NALCN: variants seen among roughly 807,000 people sequenced by gnomAD.
The protein encoded by NALCN is sodium leak channel NALCN.
In NALCN, 111 loss-of-function variants were observed where a neutral mutation model predicts 225.3. The ratio of observed to expected loss-of-function variants is 0.49; its 90% CI spans 0.42 to 0.58. The LOEUF is 0.58. Ranked by LOEUF, NALCN falls within the 20% of genes least tolerant of loss-of-function variation. The pLI is 0.00. For synonymous variants in NALCN, 764 were observed against 769.0 expected, an observed-to-expected ratio of 0.99 and a Z score of 0.11; for missense variants, 1,378 against 2,202.4, an observed-to-expected ratio of 0.63 and a Z score of 7.49.
intron 15 of NALCN, among the ~76,000 whole-genome samples, chr13:101,173,046 C>T (rs1486096381): frequency 1.3e-5 from 2 of 152,204 alleles, no homozygotes; most frequent in African/African-American, 4.8e-5. Context: ...ATCATCACTC[C>T]AAGAAGATCA....
intron 34 of NALCN, among the ~76,000 whole-genome samples, chr13:101,080,493 TTATAATTACATAAG>T (rs1296049122): frequency 6.8e-6 from 1 of 146,386 alleles, no homozygotes; most frequent in Non-Finnish European, 1.5e-5. Flanking sequence ...ATATAAATAA[TTATAATTACATAAG>T]TATAATTACA....
intron 15 of NALCN, among the ~76,000 whole-genome samples, chr13:101,167,953 C>A (rs1354031426): frequency 6.6e-6 from 1 of 152,044 alleles, no homozygotes; most frequent in Non-Finnish European, 1.5e-5. Flanking sequence ...TGTGTCTTTG[C>A]CTCCTTGGCT....
chr13:101,155,502 A>G (rs1056159170), intron 15 of NALCN, among the ~76,000 whole-genome samples: 2 of 152,160 alleles, frequency 1.3e-5, no homozygotes, highest in African/African-American at 4.8e-5. Context: ...GAGCTTATAC[A>G]TTTTTGGGAC....
intron 13 of NALCN, among the ~76,000 whole-genome samples, chr13:101,222,066 T>C (rs1229040368): frequency 3.9e-5 from 6 of 152,098 alleles, no homozygotes; most frequent in Non-Finnish European, 7.4e-5. Context: ...TCATCTATAT[T>C]TACACAGTTC....
At chr13:101,066,218 T>G (rs935727502) in intron 39 of NALCN, among the ~76,000 whole-genome samples, 5 of 149,966 alleles carry the variant, frequency 3.3e-5, no homozygotes, top group Admixed American at 3.3e-4. Flanking sequence ...CCCAGCTATT[T>G]GGGAGGCTGA....
rs187987738 is a variant in NALCN, at chr13:101,331,368, G to T, written c.799+13898C>A. ...GGCAGGTTTGAAACAGAATTAGATA[G>T]AAATATTAGGTATAAAAATTATAGA... On this transcript the variant is annotated intron_variant, in intron 7 of 43. Coordinates refer to ENST00000251127, the MANE Select transcript of NALCN (RefSeq NM_052867.4). 2.3e-3 allele frequency among the ~76,000 whole-genome samples: 351 copies of T among 152,242 alleles called. 1 individual carries two copies. The highest frequency in any genetic ancestry group is 0.017 in the Middle Eastern group (5 of 294).
chr13:101,304,126 C>T (rs2044069580), intron 7 of NALCN, among the ~76,000 whole-genome samples: 1 of 152,072 alleles, frequency 6.6e-6, no homozygotes, highest in South Asian at 2.1e-4. Flanking sequence ...GTTTGAGCTT[C>T]AATGACCTCC....
At chr13:101,400,544 AGTGTGTGTGTGTGTGTGT>A (rs376844190) in intron 1 of NALCN, among the ~76,000 whole-genome samples, 3,581 of 135,228 alleles carry the variant, frequency 0.026, 68 homozygotes, top group South Asian at 0.056. Flanking sequence ...ACATGTTTGC[AGTGTGTGTGTGTGTGTGT>A]GTGTGTGTGT....
intron 17 of NALCN, among the ~76,000 whole-genome samples, chr13:101,129,468 G>A (rs931410870): frequency 1.3e-5 from 2 of 152,018 alleles, no homozygotes; most frequent in Non-Finnish European, 2.9e-5. Context: ...TATGACCCTC[G>A]TAGTCTTTGA....
At chr13:101,164,758 CATTT>C (rs1037468501) in intron 15 of NALCN, among the ~76,000 whole-genome samples, 2 of 152,006 alleles carry the variant, frequency 1.3e-5, no homozygotes, top group African/African-American at 4.8e-5. Context: ...AAAAGTCTAA[CATTT>C]ATTATAAAAG....
chr13:101,197,717 C>A (rs1485556197), intron 13 of NALCN, among the ~76,000 whole-genome samples: 1 of 151,986 alleles, frequency 6.6e-6, no homozygotes. Flanking sequence ...CTCTACCCTG[C>A]CAGGGAAGAA....
chr13:101,232,982 T>C (rs1407472568), intron 12 of NALCN, among the ~76,000 whole-genome samples: 1 of 152,218 alleles, frequency 6.6e-6, no homozygotes, highest in Non-Finnish European at 1.5e-5. Flanking sequence ...AACTATTTAA[T>C]ACCACTTCCA....
chr13:101,361,304 G>T (rs1272613781), intron 6 of NALCN, among the ~76,000 whole-genome samples: 2 of 152,154 alleles, frequency 1.3e-5, no homozygotes, highest in East Asian at 3.9e-4. Context: ...AACACTATTT[G>T]TGAGGGACAG....
rs1385827885 is a variant in NALCN at position 101,360,040 on chromosome 13, TCA to T, written c.645-14622_645-14621del. On this transcript the variant is annotated intron_variant, in intron 6 of 43. Transcript: ENST00000251127. ...AATAAAAGAAATAAGATACCCAGTC[TCA>T]GTTTTTCTTTTTCTCTTTCTTTCTT... 3.3e-5 allele frequency among the ~76,000 whole-genome samples: 5 copies of T among 151,358 alleles called. No homozygotes were observed. In the East Asian group the frequency reaches 9.7e-4, roughly 29 times the overall value.
intron 2 of NALCN, 55 bp downstream of exon 2, chr13:101,398,964 A>G (rs1566653017): frequency 2.3e-5 from 26 of 1,125,340 alleles, no homozygotes; most frequent in East Asian, 1.2e-4. Context: ...GAATTTGTCA[A>G]TCACATTTAT....
chr13:101,223,503 T>C (rs1227798483), intron 13 of NALCN, among the ~76,000 whole-genome samples: 4 of 152,040 alleles, frequency 2.6e-5, no homozygotes, highest in Admixed American at 6.6e-5. Context: ...AGGTTTGGGG[T>C]GCCTCTTTCT....
intron 13 of NALCN, among the ~76,000 whole-genome samples, chr13:101,196,577 T>C (rs1457535720): frequency 6.6e-6 from 1 of 152,206 alleles, no homozygotes; most frequent in Non-Finnish European, 1.5e-5. Context: ...TTTTTCAATT[T>C]ATCAACGAGG....
At chr13:101,397,503 G>A (rs576193940) in intron 2 of NALCN, among the ~76,000 whole-genome samples, 8 of 150,504 alleles carry the variant, frequency 5.3e-5, no homozygotes, top group African/African-American at 7.3e-5. Context: ...ATGCATATGC[G>A]ACATGTATAT....
intron 3 of NALCN, among the ~76,000 whole-genome samples, chr13:101,382,708 G>C (rs994995899): frequency 3.3e-5 from 5 of 152,098 alleles, no homozygotes; most frequent in African/African-American, 1.2e-4. Flanking sequence ...AATTTCGAAC[G>C]ACCTCAGTTA....
Sources: allele counts gnomAD v4.1 joint callset (sites outside exome capture counted in the v4.1 genomes callset), GRCh38; gene constraint gnomAD v4.1.1; transcripts MANE v1.5; gene names NCBI Gene and HGNC (gene_info 2026-07-23, HGNC 2026-07-21).